The following LMBR1 variants were observed in gnomAD, a reference collection of about 807,000 sequenced individuals.
LMBR1 encodes limb region 1 protein homolog.
LMBR1 carries 52 observed loss-of-function variants against 73.9 expected under a neutral mutation model. That is an observed-to-expected ratio of 0.70 (90% confidence interval 0.56 to 0.89). The LOEUF is 0.89. Ranked by LOEUF, LMBR1 falls within the 40% of genes least tolerant of loss-of-function variation. The probability of loss-of-function intolerance (pLI) is 0.00; values close to 1 mark genes in which losing one functional copy is unlikely to be tolerated. For synonymous variants in LMBR1, 215 were observed against 209.4 expected (o/e 1.03, Z -0.23); for missense variants, 539 against 579.8 (o/e 0.93, Z 0.72).
At chr7:156,795,213 G>A (rs1344278051) in intron 5 of LMBR1, among the ~76,000 whole-genome samples, 1 of 152,152 alleles carries the variant, frequency 6.6e-6, no homozygotes, top group Non-Finnish European at 1.5e-5. Context: ...GACTTCCCCT[G>A]TGAAGCCTGC....
At chr7:156,817,017 C>T (rs1834017189) in intron 4 of LMBR1, among the ~76,000 whole-genome samples, 1 of 152,084 alleles carries the variant, frequency 6.6e-6, no homozygotes, top group Non-Finnish European at 1.5e-5. Flanking sequence ...TTCAGCAACA[C>T]TATAACAGAA....
At chr7:156,884,655 G>GA (rs1184408594) in intron 1 of LMBR1, among the ~76,000 whole-genome samples, 1 of 149,368 alleles carries the variant, frequency 6.7e-6, no homozygotes, top group African/African-American at 2.4e-5. Context: ...AAAAGTTACT[G>GA]AAACACCCCA....
chr7:156,734,146 T>C, intron 10 of LMBR1, 31 bp downstream of exon 10: 4 of 1,392,270 alleles, frequency 2.9e-6, no homozygotes, highest in South Asian at 1.3e-5. Context: ...CCAAGGCCAA[T>C]ACACAAGTCA....
At chr7:156,814,311 T>A (rs1009585217) in intron 4 of LMBR1, among the ~76,000 whole-genome samples, 8 of 152,242 alleles carry the variant, frequency 5.3e-5, no homozygotes, top group African/African-American at 1.9e-4. Flanking sequence ...ATTAGTTTAG[T>A]AAGATTTTAC....
intron 4 of LMBR1, among the ~76,000 whole-genome samples, chr7:156,826,400 C>T (rs949603459): frequency 6.6e-6 from 1 of 152,198 alleles, no homozygotes; most frequent in Non-Finnish European, 1.5e-5. Context: ...AACACTGCTT[C>T]TTAACTAAGA....
chr7:156,744,337 T>C (rs1014954637), intron 9 of LMBR1, among the ~76,000 whole-genome samples: 4 of 151,284 alleles, frequency 2.6e-5, no homozygotes, highest in Admixed American at 2.0e-4. Flanking sequence ...TGAAAGTTTG[T>C]AAGGGCTTTT....
intron 4 of LMBR1, chr7:156,822,164 T>G (rs1361361432): frequency 6.6e-6 from 1 of 152,140 alleles, no homozygotes; most frequent in Non-Finnish European, 1.5e-5. Flanking sequence ...TTTAAAACAA[T>G]ATGGCACTGG....
chr7:156,745,700 G>A (rs1819724962), intron 9 of LMBR1, among the ~76,000 whole-genome samples: 1 of 152,196 alleles, frequency 6.6e-6, no homozygotes, highest in African/African-American at 2.4e-5. Flanking sequence ...CCCCTTTGGG[G>A]AATCACAAAA....
intron 2 of LMBR1, among the ~76,000 whole-genome samples, chr7:156,835,650 G>A (rs1340861094): frequency 7.6e-5 from 11 of 144,846 alleles, no homozygotes; most frequent in East Asian, 4.1e-4. Flanking sequence ...AGCCGAGATC[G>A]CACCACTGCA....
intron 1 of LMBR1, among the ~76,000 whole-genome samples, chr7:156,882,905 C>T (rs1334222279): frequency 6.6e-6 from 1 of 152,068 alleles, no homozygotes. Context: ...GTGGCAGACG[C>T]CTGTAATCCC....
chr7:156,739,163 T>C (rs1465122897), intron 9 of LMBR1, among the ~76,000 whole-genome samples: 1 of 152,062 alleles, frequency 6.6e-6, no homozygotes, highest in Admixed American at 6.5e-5. Flanking sequence ...CCTCTGGACA[T>C]TAAGTGACCA....
intron 15 of LMBR1, 99 bp from the exon 16 acceptor site, chr7:156,688,290 T>G: frequency 1.3e-6 from 1 of 799,610 alleles, no homozygotes; most frequent in Non-Finnish European, 1.9e-6. Context: ...CTATGGACTT[T>G]CTCACTTCTG....
intron 1 of LMBR1, among the ~76,000 whole-genome samples, chr7:156,837,149 C>A (rs1467943284): frequency 1.3e-5 from 2 of 149,608 alleles, no homozygotes; most frequent in Non-Finnish European, 3.0e-5. Context: ...CATGATGAAA[C>A]CCTGTCTCTA....
chr7:156,700,502 C>A (rs1018966579), intron 15 of LMBR1, among the ~76,000 whole-genome samples: 1 of 151,990 alleles, frequency 6.6e-6, no homozygotes, highest in Non-Finnish European at 1.5e-5. Context: ...ATGTAACAAA[C>A]CTGCACGTTG....
At chr7:156,677,470 C>T (rs985103551), downstream of LMBR1, among the ~76,000 whole-genome samples, 1 of 152,176 alleles carries the variant, frequency 6.6e-6, no homozygotes, top group South Asian at 2.1e-4. Flanking sequence ...CCAGTGAATC[C>T]TGTCACTGCT....
At chr7:156,717,503 A>G (rs1238143538) in intron 15 of LMBR1, among the ~76,000 whole-genome samples, 2 of 152,176 alleles carry the variant, frequency 1.3e-5, no homozygotes, top group Non-Finnish European at 2.9e-5. Context: ...AGCAGAGGGA[A>G]AAAGAGAGGA....
downstream of LMBR1, among the ~76,000 whole-genome samples, chr7:156,675,456 GTGCC>G (rs1425917667): frequency 6.6e-6 from 1 of 152,170 alleles, no homozygotes; most frequent in Non-Finnish European, 1.5e-5. Context: ...GTATGCCAAG[GTGCC>G]GTATTTTGGG....
At position 156,681,296 on chromosome 7, in the gene LMBR1, A is replaced by G; in HGVS notation, c.*2782T>C. The G allele has an allele frequency of 2.6e-6, 1 of 387,462 alleles. No individual in the cohort carries two copies. The highest frequency in any genetic ancestry group is 5.0e-6 in the Non-Finnish European group (1 of 201,562). 24.0% of individuals were successfully genotyped at this position (387,462 alleles called of 1,614,324 possible). On this transcript the variant is annotated 3_prime_UTR_variant, in exon 17 of 17. Transcript: ENST00000353442. ...TACACGTGCGCCTTTAACACATCTG[A>G]GAGCAAAACGCGAGAGGCTCCGTCC...
intron 15 of LMBR1, among the ~76,000 whole-genome samples, chr7:156,695,323 G>A (rs1585222537): frequency 6.6e-6 from 1 of 152,134 alleles, no homozygotes; most frequent in South Asian, 2.1e-4. Context: ...ACAAACAAAC[G>A]GTATTAGTCT....
Sources: gnomAD v4.1 joint callset for allele counts (sites outside exome capture counted in the v4.1 genomes callset) on GRCh38, gnomAD v4.1.1 for gene constraint, MANE v1.5 for transcripts, NCBI Gene and HGNC (gene_info 2026-07-23, HGNC 2026-07-21) for gene names.